Variants in BBS4 observed in about 807,000 individuals in gnomAD.
BBS4 encodes the protein BBSome complex member BBS4.
BBS4 carries 58 observed loss-of-function variants against 71.4 expected under a neutral mutation model. The ratio of observed to expected loss-of-function variants is 0.81; its 90% CI spans 0.66 to 1.01. BBS4 has a LOEUF of 1.01. BBS4 is among the 50% of genes least tolerant of loss of function. The pLI, the probability that BBS4 is intolerant of heterozygous loss-of-function variation, is 0.00. For synonymous variants in BBS4, 228 were observed against 216.8 expected, an observed-to-expected ratio of 1.05 and a Z score of -0.46; for missense variants, 660 against 607.9, an observed-to-expected ratio of 1.09 and a Z score of -0.90.
intron 12 of BBS4, among the ~76,000 whole-genome samples, chr15:72,733,622 CTGTGTCGTATTCCATGGTGTA>C (rs1286809883): frequency 6.6e-6 from 1 of 152,202 alleles, no homozygotes; most frequent in African/African-American, 2.4e-5. Flanking sequence ...TTTTGTATGG[CTGTGTCGTATTCCATGGTGTA>C]CATTTACATT....
intron 2 of BBS4, 66 bp from the exon 3 acceptor site, chr15:72,709,634 G>A (rs1306519127): frequency 1.7e-5 from 19 of 1,144,970 alleles, no homozygotes; most frequent in Non-Finnish European, 2.4e-5. Context: ...GTTTAGACAT[G>A]AGGACAGTGC....
chr15:72,731,107 A>G (rs374569268), intron 10 of BBS4, among the ~76,000 whole-genome samples, 198 bp from the exon 11 acceptor site: 7 of 114,522 alleles, frequency 6.1e-5, no homozygotes, highest in African/African-American at 2.5e-4. Flanking sequence ...GTGCTGTGCC[A>G]GAGAGCCACA....
chr15:72,696,732 C>T (rs939345072), intron 2 of BBS4, among the ~76,000 whole-genome samples: 1 of 151,910 alleles, frequency 6.6e-6, no homozygotes, highest in Admixed American at 6.6e-5. Context: ...TCTACAGGTG[C>T]ATGCCGCCAT....
At position 72,692,385 on chromosome 15, in the gene BBS4, G is replaced by T. The variant is rs1350223921; in HGVS notation, c.25-2792G>T. On this transcript the variant is annotated intron_variant, in intron 1 of 15. Coordinates refer to ENST00000268057, the MANE Select transcript of BBS4 (RefSeq NM_033028.5). ...GGCTGGAGTGCAGTGGCGTGATCTTGGCTCACTGCAACCTCTGCCTCCTGG... is the reference window on the plus strand; with the variant it reads ...GGCTGGAGTGCAGTGGCGTGATCTTTGCTCACTGCAACCTCTGCCTCCTGG... Among the ~76,000 whole-genome samples the T allele has an allele frequency of 4.3e-5, 6 of 139,588 alleles. No homozygotes were observed. The Admixed American group carries it at 4.7e-4, about 11-fold the overall frequency. 91.6% of individuals were successfully genotyped at this position (139,588 alleles called of 152,430 possible). A position where few individuals can be genotyped will look rare whatever the true frequency, so the allele number is the denominator to read the frequency against.
chr15:72,729,161 CTTTTT>C (rs71137313), intron 9 of BBS4, among the ~76,000 whole-genome samples: 82 of 70,034 alleles, frequency 1.2e-3, no homozygotes, highest in Middle Eastern at 0.019. Flanking sequence ...ACTGTAGCTG[CTTTTT>C]TTTTTTTTTT....
chr15:72,702,927 C>T (rs1225854766), intron 2 of BBS4, among the ~76,000 whole-genome samples: 1 of 149,744 alleles, frequency 6.7e-6, no homozygotes, highest in Non-Finnish European at 1.5e-5. Context: ...CCTGCCTCAG[C>T]CTCCCAAGTA....
chr15:72,737,007 C>T, intron 15 of BBS4, 44 bp downstream of exon 15: 1 of 1,589,700 alleles, frequency 6.3e-7, no homozygotes, highest in Non-Finnish European at 8.6e-7. Context: ...AGGTACAAGC[C>T]ACATGTGTCT....
chr15:72,733,443 C>CT (rs2065865301), intron 12 of BBS4, among the ~76,000 whole-genome samples: 1 of 152,140 alleles, frequency 6.6e-6, no homozygotes, highest in Non-Finnish European at 1.5e-5. Flanking sequence ...GGCCCTCCCC[C>CT]TCCTCCAGTA....
At chr15:72,727,507 C>T (rs1476830277) in intron 8 of BBS4, among the ~76,000 whole-genome samples, 1 of 151,908 alleles carries the variant, frequency 6.6e-6, no homozygotes, top group East Asian at 1.9e-4. Context: ...CCTTGGGATC[C>T]TAAATTACAT....
intron 6 of BBS4, chr15:72,717,098 A>AC (rs1201019884): frequency 2.0e-6 from 1 of 507,000 alleles, no homozygotes; most frequent in East Asian, 3.5e-5. Context: ...CTTGTTGATG[A>AC]CCCCTAGAAG....
intron 3 of BBS4, 130 bp downstream of exon 3, chr15:72,709,909 A>G: frequency 1.3e-6 from 1 of 776,776 alleles, no homozygotes; most frequent in Non-Finnish European, 2.2e-6. Flanking sequence ...CCCATACTTC[A>G]TACACTGGTT....
At chr15:72,686,765 T>G (rs900147535) in intron 1 of BBS4, 3 of 368,190 alleles carry the variant, frequency 8.1e-6, no homozygotes, top group African/African-American at 4.3e-5. Context: ...ACTGCTAATA[T>G]AGAGGAACCC....
chr15:72,716,018 G>A (rs1472803774), intron 5 of BBS4, among the ~76,000 whole-genome samples: 1 of 152,182 alleles, frequency 6.6e-6, no homozygotes, highest in East Asian at 1.9e-4. Context: ...GTGGAGATAG[G>A]AACTCCATGG....
chr15:72,699,238 C>G (rs1436640367), intron 2 of BBS4, among the ~76,000 whole-genome samples: 1 of 152,024 alleles, frequency 6.6e-6, no homozygotes, highest in African/African-American at 2.4e-5. Flanking sequence ...AGGTGCCCAC[C>G]ACCATGCCTG....
chr15:72,707,727 T>A (rs1039097663), intron 2 of BBS4, among the ~76,000 whole-genome samples: 1 of 152,196 alleles, frequency 6.6e-6, no homozygotes, highest in African/African-American at 2.4e-5. Flanking sequence ...ATCTTTCTAC[T>A]CCTTGTTACC....
intron 8 of BBS4, among the ~76,000 whole-genome samples, chr15:72,725,487 A>G (rs1228475590): frequency 6.6e-6 from 1 of 152,190 alleles, no homozygotes; most frequent in East Asian, 1.9e-4. Context: ...AAGAAGAAGG[A>G]AATAACAGAT....
intron 4 of BBS4, among the ~76,000 whole-genome samples, chr15:72,714,123 G>A (rs528935548): frequency 5.9e-5 from 9 of 152,058 alleles, no homozygotes; most frequent in Non-Finnish European, 8.8e-5. Context: ...TTTCTGTAAG[G>A]TGAATCAGGA....
chr15:72,686,683 G>A, intron 1 of BBS4: 2 of 801,282 alleles, frequency 2.5e-6, no homozygotes, highest in African/African-American at 1.8e-5. Context: ...TGTTTTTTCT[G>A]TGGTGATTAA....
intron 6 of BBS4, among the ~76,000 whole-genome samples, chr15:72,721,001 T>C (rs12902880): frequency 0.96 from 146,463 of 152,298 alleles, 70,707 homozygotes; most frequent in East Asian, 1. Flanking sequence ...ATTCCTACTG[T>C]AGAGCAGGAC....
Sources: allele counts gnomAD v4.1 joint callset (sites outside exome capture counted in the v4.1 genomes callset), GRCh38; gene constraint gnomAD v4.1.1; transcripts MANE v1.5; gene names NCBI Gene and HGNC (gene_info 2026-07-23, HGNC 2026-07-21).